LATS1: variants seen among roughly 807,000 people sequenced by gnomAD.
LATS1 encodes the protein large tumor suppressor kinase 1.
LATS1 carries 25 observed loss-of-function variants against 106.6 expected under a neutral mutation model. That is an observed-to-expected ratio of 0.23 (90% CI 0.17 to 0.33). LATS1 has a LOEUF of 0.33. Ranked by LOEUF, LATS1 falls within the 10% of genes least tolerant of loss-of-function variation. The pLI is 1.00. For synonymous variants in LATS1, 465 were observed against 455.6 expected (o/e 1.02, Z -0.26); for missense variants, 1,040 against 1,382.6 (o/e 0.75, Z 3.93).
In LATS1 at chr6:149,660,359, T is replaced by C. The variant is rs1329974209; in HGVS notation, c.*1370A>G. The C allele has an allele frequency of 1.7e-5, 4 of 233,018 alleles. No individual in the cohort carries two copies. Among genetic ancestry groups the C allele is most frequent in the Non-Finnish European group, 3.4e-5 (4 of 117,994 alleles). The allele number at this position is 233,018 out of a possible 1,614,324, so 14.4% of individuals were successfully genotyped here. On this transcript the variant is annotated 3_prime_UTR_variant, in exon 8 of 8. Coordinates refer to ENST00000543571, the MANE Select transcript of LATS1 (RefSeq NM_004690.4). ...TCAACTGCAACAGCTCTGCCTTTAATTTTACTACATATACGGTTTCAATTA... is the reference window on the plus strand; with the variant it reads ...TCAACTGCAACAGCTCTGCCTTTAACTTTACTACATATACGGTTTCAATTA...
chr6:149,677,287 G>A (rs559520631), intron 5 of LATS1, among the ~76,000 whole-genome samples: 86 of 152,262 alleles, frequency 5.6e-4, no homozygotes, highest in South Asian at 1.7e-3. Context: ...CAGCTAAACC[G>A]TAAAAAAACA....
intron 7 of LATS1, among the ~76,000 whole-genome samples, chr6:149,663,649 TA>T (rs1208173173): frequency 6.6e-6 from 1 of 152,144 alleles, no homozygotes; most frequent in Non-Finnish European, 1.5e-5. Context: ...TTTAAAGTCT[TA>T]TCCCAGATTA....
rs1372527786 is a variant in LATS1, at chr6:149,683,672, C to T, written c.1417G>A (p.Ala473Thr). The change falls in exon 4 of 8, where the codon GCA (alanine) becomes ACA (threonine). Residue 473 changes from alanine (A) to threonine (T), a missense_variant. Ala to Thr is a moderately conservative substitution (Grantham distance 58). Transcript: ENST00000543571. ...NSFNNPLGNR[A>T]SHSANSQPSA... is the part of the protein sequence containing the mutation. ...GGCTGAGAATTAGCAGAGTGACTTG[C>T]TCTATTTCCTAATGGGTTATTAAAA... 10 of 1,614,012 alleles carry T rather than the reference C, an allele frequency of 6.2e-6. No homozygotes were observed. Among genetic ancestry groups the T allele is most frequent in the African/African-American group, 1.3e-5 (1 of 74,902 alleles).
intron 3 of LATS1, among the ~76,000 whole-genome samples, chr6:149,693,447 T>A (rs956057428): frequency 2.0e-5 from 3 of 151,526 alleles, no homozygotes; most frequent in African/African-American, 7.3e-5. Context: ...CCATCTCTAC[T>A]AAAAATACAA....
chr6:149,670,171 C>CAAAAAAA (rs1177166262), intron 7 of LATS1, among the ~76,000 whole-genome samples: 1 of 31,654 alleles, frequency 3.2e-5, no homozygotes, highest in Non-Finnish European at 7.3e-5. Flanking sequence ...AATTGCATCT[C>CAAAAAAA]AAAAAAAAAA....
chr6:149,691,467 A>C (rs1782744349), intron 3 of LATS1, among the ~76,000 whole-genome samples: 1 of 152,190 alleles, frequency 6.6e-6, no homozygotes, highest in Admixed American at 6.5e-5. Flanking sequence ...ATGTCACTAA[A>C]GTCAACAAGA....
rs1562346954 is a variant in LATS1 at position 149,697,625 on chromosome 6, GT to G, written c.349-2405del. On this transcript the variant is annotated intron_variant, in intron 2 of 7. Transcript: ENST00000543571. ...AGTGTTTAATTTTAAAACTGGTTAA[GT>G]CAAGTGAACTCTATATGTATTTATG... 5.3e-5 allele frequency among the ~76,000 whole-genome samples: 8 copies of G among 152,280 alleles called. No individual in the cohort carries two copies. In the South Asian group the frequency reaches 1.7e-3, roughly 32 times the overall value.
At chr6:149,673,091 CTTTTCTTT>C (rs1446969957) in intron 7 of LATS1, among the ~76,000 whole-genome samples, 2,583 of 128,590 alleles carry the variant, frequency 0.02, 25 homozygotes, top group Admixed American at 0.055. Flanking sequence ...CTTTTCTTTT[CTTTTCTTT>C]TTTTTTTTTT....
chr6:149,711,116 G>A (rs969753358), intron 1 of LATS1, among the ~76,000 whole-genome samples: 7 of 151,938 alleles, frequency 4.6e-5, no homozygotes, highest in Admixed American at 1.3e-4. Flanking sequence ...AGGAATAGAC[G>A]CTCTTAAATC....
intron 1 of LATS1, among the ~76,000 whole-genome samples, chr6:149,705,348 C>G (rs1783704379): frequency 6.6e-6 from 1 of 152,020 alleles, no homozygotes; most frequent in South Asian, 2.1e-4. Context: ...CACCTCTGGC[C>G]CTTTCTAAAA....
chr6:149,670,529 C>T (rs551487843), intron 7 of LATS1, among the ~76,000 whole-genome samples: 4 of 152,114 alleles, frequency 2.6e-5, no homozygotes, highest in Non-Finnish European at 5.9e-5. Context: ...CTCAGTCCTG[C>T]AGCAGTCATG....
intron 6 of LATS1, 82 bp downstream of exon 6, chr6:149,676,473 G>T: frequency 7.1e-7 from 1 of 1,400,262 alleles, no homozygotes; most frequent in Non-Finnish European, 9.8e-7. Flanking sequence ...TTTATTATAA[G>T]CCTGAAAAAT....
chr6:149,704,882 A>ACAC (rs1783666487), intron 1 of LATS1, among the ~76,000 whole-genome samples: 1 of 109,504 alleles, frequency 9.1e-6, no homozygotes, highest in African/African-American at 3.5e-5. Context: ...TATAGAAATT[A>ACAC]ATTATACACA....
At chr6:149,686,693 G>C (rs1782392184) in intron 3 of LATS1, among the ~76,000 whole-genome samples, 1 of 152,112 alleles carries the variant, frequency 6.6e-6, no homozygotes, top group African/African-American at 2.4e-5. Flanking sequence ...CTTTTAAAAA[G>C]CCAGCTCTTT....
At chr6:149,677,751 G>T (rs1475182089) in intron 5 of LATS1, among the ~76,000 whole-genome samples, 2 of 152,134 alleles carry the variant, frequency 1.3e-5, no homozygotes, top group African/African-American at 4.8e-5. Flanking sequence ...ATTTATCTGG[G>T]ATGTTTGATT....
At chr6:149,690,205 CTTTTT>C (rs1247306023) in intron 3 of LATS1, among the ~76,000 whole-genome samples, 4 of 138,442 alleles carry the variant, frequency 2.9e-5, no homozygotes, top group African/African-American at 1.1e-4. Flanking sequence ...GTATTCTTTT[CTTTTT>C]TTCTTTTTTT....
intron 7 of LATS1, among the ~76,000 whole-genome samples, chr6:149,670,385 T>G (rs989340596): frequency 2.0e-5 from 3 of 151,756 alleles, no homozygotes; most frequent in African/African-American, 7.3e-5. Flanking sequence ...AAAAAGACTA[T>G]CAGGATAAAC....
chr6:149,676,774 T>G (rs1247056417), intron 5 of LATS1, 37 bp from the exon 6 acceptor site: 1 of 1,562,538 alleles, frequency 6.4e-7, no homozygotes, highest in Non-Finnish European at 8.8e-7. Context: ...AAGTCAACAA[T>G]GACAACAGTA....
intron 2 of LATS1, among the ~76,000 whole-genome samples, chr6:149,699,569 T>G (rs978859199): frequency 1.3e-5 from 2 of 152,212 alleles, no homozygotes; most frequent in African/African-American, 4.8e-5. Flanking sequence ...TAAAGCAATC[T>G]TGTGACAATT....
Sources: gnomAD v4.1 joint callset for allele counts (sites outside exome capture counted in the v4.1 genomes callset) on GRCh38, gnomAD v4.1.1 for gene constraint, MANE v1.5 for transcripts, NCBI Gene and HGNC (gene_info 2026-07-23, HGNC 2026-07-21) for gene names.